Variants in EDIL3 observed in about 807,000 individuals in gnomAD.
The protein encoded by EDIL3 is EGF-like repeat and discoidin I-like domain-containing protein 3.
A neutral mutation model predicts 67.4 loss-of-function variants in EDIL3; 37 were observed. The observed-to-expected ratio is 0.55, with a 90% CI of 0.42 to 0.72. The LOEUF is 0.72. Among genes scored for constraint, EDIL3 ranks in the 30% least tolerant of loss-of-function variants. The probability of loss-of-function intolerance (pLI) is 0.00; values close to 1 mark genes in which losing one functional copy is unlikely to be tolerated. For synonymous variants in EDIL3, 195 were observed against 196.3 expected (o/e 0.99, Z 0.05); for missense variants, 527 against 586.3 (o/e 0.90, Z 1.04).
intron 3 of EDIL3, among the ~76,000 whole-genome samples, chr5:84,213,403 A>T (rs1004730832): frequency 6.6e-6 from 1 of 152,198 alleles, no homozygotes; most frequent in African/African-American, 2.4e-5. Flanking sequence ...TTATGAAATG[A>T]AATAGTTTCA....
At chr5:84,194,098 G>A (rs975614389) in intron 3 of EDIL3, among the ~76,000 whole-genome samples, 1 of 151,862 alleles carries the variant, frequency 6.6e-6, no homozygotes, top group Admixed American at 6.6e-5. Context: ...TATTTGGTCT[G>A]GAGAAGTAAA....
intron 3 of EDIL3, among the ~76,000 whole-genome samples, chr5:84,209,319 T>C (rs1296207070): frequency 1.3e-5 from 2 of 152,044 alleles, no homozygotes; most frequent in African/African-American, 2.4e-5. Flanking sequence ...GGCACATGTA[T>C]ACATATGTAA....
chr5:83,985,255 T>C (rs563845372), intron 9 of EDIL3, among the ~76,000 whole-genome samples: 1 of 152,154 alleles, frequency 6.6e-6, no homozygotes, highest in South Asian at 2.1e-4. Context: ...ATATGAGGCA[T>C]TGCACTAGAT....
At chr5:84,322,457 G>A (rs1746668773) in intron 1 of EDIL3, among the ~76,000 whole-genome samples, 1 of 152,164 alleles carries the variant, frequency 6.6e-6, no homozygotes, top group South Asian at 2.1e-4. Context: ...GTATCCAATG[G>A]CAGAGTTAAG....
At chr5:84,240,535 C>G (rs1478582223) in intron 2 of EDIL3, among the ~76,000 whole-genome samples, 1 of 152,160 alleles carries the variant, frequency 6.6e-6, no homozygotes. Flanking sequence ...CCTCTCAGAT[C>G]AGCAGCAGCA....
chr5:84,176,828 A>ATAT (rs1561454128), intron 4 of EDIL3, among the ~76,000 whole-genome samples: 17 of 130,558 alleles, frequency 1.3e-4, no homozygotes, highest in East Asian at 1.0e-3. Context: ...TATATATATA[A>ATAT]AATTTGATAA....
At chr5:84,357,887 CAAAAAAAAAAAA>C (rs140686250) in intron 1 of EDIL3, among the ~76,000 whole-genome samples, 1 of 79,274 alleles carries the variant, frequency 1.3e-5, no homozygotes. Flanking sequence ...GACTCAGTCT[CAAAAAAAAAAAA>C]AAAAAAAAGC....
intron 4 of EDIL3, among the ~76,000 whole-genome samples, chr5:84,170,171 A>C (rs153252): frequency 0.37 from 56,137 of 151,848 alleles, 11,220 homozygotes; most frequent in East Asian, 0.74. Context: ...GTTTCTTGGG[A>C]AAGACAGTAG....
rs191106024 is a variant in EDIL3 at position 84,346,280 on chromosome 5, T to A, written c.67+38028A>T. Reference sequence around the variant, plus strand: ...TGCCTCAGCCTCCCGCAAACTTTTTTAAATAATAAACATTTTAGGTTTGAG... The same window carrying A: ...TGCCTCAGCCTCCCGCAAACTTTTTAAAATAATAAACATTTTAGGTTTGAG... On this transcript the variant is annotated intron_variant, in intron 1 of 10. Transcript: ENST00000296591. Among the ~76,000 whole-genome samples, 31 of 151,868 alleles carry A rather than the reference T, an allele frequency of 2.0e-4. No homozygotes were observed. The South Asian group carries it at 3.7e-3, about 18-fold the overall frequency.
intron 1 of EDIL3, among the ~76,000 whole-genome samples, chr5:84,272,764 T>C (rs573030412): frequency 6.6e-6 from 1 of 152,266 alleles, no homozygotes; most frequent in African/African-American, 2.4e-5. Flanking sequence ...TGGAGAGAAG[T>C]TGTAATTGTT....
intron 9 of EDIL3, among the ~76,000 whole-genome samples, chr5:83,965,001 G>T (rs1744665766): frequency 6.6e-6 from 1 of 151,878 alleles, no homozygotes; most frequent in Admixed American, 6.6e-5. Context: ...CTTTACAGAT[G>T]AATAATTTAA....
At chr5:84,104,588 T>C (rs1411712247) in intron 6 of EDIL3, among the ~76,000 whole-genome samples, 1 of 152,024 alleles carries the variant, frequency 6.6e-6, no homozygotes, top group East Asian at 1.9e-4. Flanking sequence ...CTTTAGCTGT[T>C]TTTCTCTGAG....
intron 1 of EDIL3, among the ~76,000 whole-genome samples, chr5:84,356,181 C>T (rs1020214570): frequency 1.3e-5 from 2 of 151,822 alleles, no homozygotes; most frequent in African/African-American, 4.9e-5. Context: ...AGAAACAAAC[C>T]TTTGGGAGGA....
At chr5:84,271,086 G>A (rs2112096233) in intron 1 of EDIL3, among the ~76,000 whole-genome samples, 1 of 152,134 alleles carries the variant, frequency 6.6e-6, no homozygotes, top group African/African-American at 2.4e-5. Flanking sequence ...TCTTTTCTGA[G>A]ACTTTCTAAA....
At chr5:83,973,955 A>G (rs760278372) in intron 9 of EDIL3, among the ~76,000 whole-genome samples, 2 of 152,038 alleles carry the variant, frequency 1.3e-5, no homozygotes, top group Non-Finnish European at 2.9e-5. Context: ...AGGTCCTTGA[A>G]AGTTTGGAAA....
At chr5:84,192,793 A>C (rs1743619835) in intron 3 of EDIL3, among the ~76,000 whole-genome samples, 1 of 152,046 alleles carries the variant, frequency 6.6e-6, no homozygotes, top group Non-Finnish European at 1.5e-5. Flanking sequence ...CACATAAAGA[A>C]ATGAAATTGT....
At chr5:83,952,860 C>T (rs1018615020) in intron 10 of EDIL3, among the ~76,000 whole-genome samples, 1 of 151,792 alleles carries the variant, frequency 6.6e-6, no homozygotes, top group Non-Finnish European at 1.5e-5. Flanking sequence ...AAGAGTTTCA[C>T]CCTATCCTTG....
intron 1 of EDIL3, among the ~76,000 whole-genome samples, chr5:84,256,037 C>T (rs894944521): frequency 6.6e-6 from 1 of 152,050 alleles, no homozygotes; most frequent in Non-Finnish European, 1.5e-5. Context: ...GAAGACAATC[C>T]TGGCAGCATT....
chr5:84,375,272 C>T (rs932973554), intron 1 of EDIL3, among the ~76,000 whole-genome samples: 2 of 152,006 alleles, frequency 1.3e-5, no homozygotes, highest in African/African-American at 2.4e-5. Context: ...GCCCAGCCTT[C>T]GAGTATTTCT....
Sources: allele counts gnomAD v4.1 joint callset (sites outside exome capture counted in the v4.1 genomes callset), GRCh38; gene constraint gnomAD v4.1.1; transcripts MANE v1.5; gene names NCBI Gene and HGNC (gene_info 2026-07-23, HGNC 2026-07-21).